The following GABRA3 variants were observed in gnomAD, a reference collection of about 807,000 sequenced individuals.
GABRA3 encodes gamma-aminobutyric acid receptor subunit alpha-3.
A neutral mutation model predicts 30.1 loss-of-function variants in GABRA3; 10 were observed. The ratio of observed to expected loss-of-function variants is 0.33; its 90% CI spans 0.20 to 0.56. The LOEUF (loss-of-function observed/expected upper bound fraction) is 0.56, where lower values mean the gene tolerates loss of function less well. Ranked by LOEUF, GABRA3 falls within the 20% of genes least tolerant of loss-of-function variation. The pLI is 0.89. For synonymous variants in GABRA3, 151 were observed against 146.8 expected, an observed-to-expected ratio of 1.03 and a Z score of -0.21; for missense variants, 233 against 392.0, an observed-to-expected ratio of 0.59 and a Z score of 3.42.
At chrX:152,327,902 AGAATCCAGGAGCAGGTTTTTT>A (rs1177820895) in intron 3 of GABRA3, among the ~76,000 whole-genome samples, 2 of 111,519 alleles carry the variant, frequency 1.8e-5, no homozygotes, top group Admixed American at 1.9e-4. Context: ...AAAAAATCAA[AGAATCCAGGAGCAGGTTTTTT>A]GAAAGATCAA....
In GABRA3 at chrX:152,208,128, A is replaced by G; in HGVS notation, c.651T>C (p.Ala217=). Residue 217 remains alanine (A), a synonymous_variant, in exon 7 of 10, where the codon GCT becomes GCC. Transcript: ENST00000370314. Reference sequence around the variant, plus strand: ...CGAGAGTCCAAGAATAAACCACTTCAGCTGTTGTATAGGCATCTAAGGCAG... The same window carrying G: ...CGAGAGTCCAAGAATAAACCACTTCGGCTGTTGTATAGGCATCTAAGGCAG... ...LKFGSYAYTT[A]EVVYSWTLGK... is the part of the protein sequence containing the mutation. 1 of 1,210,910 alleles carries G rather than the reference A, an allele frequency of 8.3e-7. No individual in the cohort carries two copies. Among genetic ancestry groups the G allele is most frequent in the Non-Finnish European group, 1.1e-6 (1 of 894,771 alleles).
intron 9 of GABRA3, among the ~76,000 whole-genome samples, chrX:152,177,644 A>C (rs1330886099): frequency 8.9e-6 from 1 of 111,776 alleles, no homozygotes; most frequent in Non-Finnish European, 1.9e-5. Flanking sequence ...TCATTTCTGA[A>C]ACCTTCACGT....
intron 6 of GABRA3, among the ~76,000 whole-genome samples, chrX:152,212,746 G>C (rs1268073695): frequency 8.9e-6 from 1 of 111,755 alleles, no homozygotes; most frequent in Non-Finnish European, 1.9e-5. Context: ...AAGGAAAAAG[G>C]ACATTTTAAA....
chrX:152,232,740 T>A (rs1272969707), intron 5 of GABRA3, among the ~76,000 whole-genome samples: 1 of 108,939 alleles, frequency 9.2e-6, no homozygotes, highest in African/African-American at 3.3e-5. Flanking sequence ...CTTAGGATGG[T>A]TCCATATATT....
chrX:152,411,977 T>A (rs73241887), intron 1 of GABRA3, among the ~76,000 whole-genome samples: 65 of 111,277 alleles, frequency 5.8e-4, no homozygotes, highest in Non-Finnish European at 7.4e-4. Context: ...CACATAAAGG[T>A]TACCAGCTTC....
intron 1 of GABRA3, among the ~76,000 whole-genome samples, chrX:152,369,094 C>G (rs1398877344): frequency 1.8e-5 from 2 of 111,301 alleles, no homozygotes; most frequent in Non-Finnish European, 3.8e-5. Context: ...GTGAAGGTCC[C>G]TTTTCTCCAC....
At chrX:152,325,023 T>C (rs1335634700) in intron 3 of GABRA3, among the ~76,000 whole-genome samples, 1 of 111,609 alleles carries the variant, frequency 9.0e-6, no homozygotes, top group African/African-American at 3.3e-5. Flanking sequence ...AGTCCTGTTG[T>C]TCTGTGAGAT....
chrX:152,239,066 G>T (rs1329033379), intron 5 of GABRA3, among the ~76,000 whole-genome samples: 2 of 105,547 alleles, frequency 1.9e-5, no homozygotes, highest in South Asian at 4.5e-4. Context: ...TGCTTTTCTA[G>T]TTCTTTTAAT....
At chrX:152,418,737 T>A (rs1930298602) in intron 1 of GABRA3, among the ~76,000 whole-genome samples, 1 of 111,800 alleles carries the variant, frequency 8.9e-6, no homozygotes, top group South Asian at 3.7e-4. Flanking sequence ...GTTGGTTGAT[T>A]CCTCAGGGAT....
chrX:152,427,881 C>G (rs1376854880), intron 1 of GABRA3, among the ~76,000 whole-genome samples: 3 of 112,080 alleles, frequency 2.7e-5, no homozygotes, highest in Non-Finnish European at 5.6e-5. Flanking sequence ...ATCTAATAAG[C>G]AAACACTGAA....
chrX:152,360,660 C>A (rs1928457669), intron 2 of GABRA3, among the ~76,000 whole-genome samples: 1 of 66,802 alleles, frequency 1.5e-5, no homozygotes, highest in Admixed American at 2.1e-4. Flanking sequence ...AACTAACCTG[C>A]ACAATGTGCA....
At chrX:152,195,706 C>G (rs1197871939) in intron 8 of GABRA3, among the ~76,000 whole-genome samples, 1 of 111,791 alleles carries the variant, frequency 8.9e-6, no homozygotes, top group Admixed American at 9.5e-5. Flanking sequence ...GTCAAATCTC[C>G]TTCTGCCTGA....
chrX:152,290,618 G>C (rs1939392402), intron 3 of GABRA3, among the ~76,000 whole-genome samples: 1 of 111,791 alleles, frequency 8.9e-6, no homozygotes, highest in Admixed American at 9.5e-5. Flanking sequence ...TATTGCCTAG[G>C]TTTTCTTTTA....
At chrX:152,208,462 G>T (rs1015459460) in intron 6 of GABRA3, among the ~76,000 whole-genome samples, 26 of 111,681 alleles carry the variant, frequency 2.3e-4, no homozygotes, top group Non-Finnish European at 1.9e-5. Flanking sequence ...GCAGGGGGAG[G>T]AATGGCTAAA....
At chrX:152,195,553 G>C (rs1937374588) in intron 8 of GABRA3, among the ~76,000 whole-genome samples, 1 of 111,992 alleles carries the variant, frequency 8.9e-6, no homozygotes, top group South Asian at 3.8e-4. Context: ...GGCTCTAAAG[G>C]AATAATCTAT....
intron 7 of GABRA3, among the ~76,000 whole-genome samples, chrX:152,205,959 C>T (rs756266927): frequency 8.9e-6 from 1 of 112,606 alleles, no homozygotes; most frequent in South Asian, 3.6e-4. Context: ...ACATTTGCTC[C>T]TCCATGTATT....
At chrX:152,419,035 G>A (rs1312519672) in intron 1 of GABRA3, among the ~76,000 whole-genome samples, 3 of 110,633 alleles carry the variant, frequency 2.7e-5, no homozygotes, top group East Asian at 5.7e-4. Context: ...GCAAACTACC[G>A]CAAGGACAAA....
At chrX:152,402,373 T>C (rs1198823545) in intron 1 of GABRA3, among the ~76,000 whole-genome samples, 1 of 111,910 alleles carries the variant, frequency 8.9e-6, no homozygotes, top group Non-Finnish European at 1.9e-5. Context: ...GAAAACAAGA[T>C]TGTCTGTGTG....
At chrX:152,337,693 CCTGTAGT>C (rs1161654068) in intron 3 of GABRA3, among the ~76,000 whole-genome samples, 1 of 110,844 alleles carries the variant, frequency 9.0e-6, no homozygotes, top group Non-Finnish European at 1.9e-5. Flanking sequence ...AATAAATTAG[CCTGTAGT>C]CCCAGCTATT....
Sources: gnomAD v4.1 joint callset for allele counts (sites outside exome capture counted in the v4.1 genomes callset) on GRCh38, gnomAD v4.1.1 for gene constraint, MANE v1.5 for transcripts, NCBI Gene and HGNC (gene_info 2026-07-23, HGNC 2026-07-21) for gene names.